Variants in KRT3 observed in about 807,000 individuals in gnomAD.
KRT3 encodes keratin, type II cytoskeletal 3.
KRT3 carries 34 observed loss-of-function variants against 45.8 expected under a neutral mutation model. The ratio of observed to expected loss-of-function variants is 0.74; its 90% CI spans 0.57 to 0.99. The LOEUF is 0.99. Among genes scored for constraint, KRT3 ranks in the 50% least tolerant of loss-of-function variants. The probability of loss-of-function intolerance (pLI) is 0.00; values close to 1 mark genes in which losing one functional copy is unlikely to be tolerated. For missense variants in KRT3, 828 were observed against 820.6 expected (o/e 1.01, Z -0.11); for synonymous variants, 367 against 329.0 (o/e 1.12, Z -1.25).
Position 52,790,172 on chromosome 12 carries a change from C to T in KRT3, c.1757G>A (p.Gly586Asp). 1 of 1,548,434 alleles carries T rather than the reference C, an allele frequency of 6.5e-7. No homozygotes were observed. The highest frequency in any genetic ancestry group is 8.7e-7 in the Non-Finnish European group (1 of 1,146,838). ...FGGGSSGFSG[G>D]SGFGSISGAR... ...GCCAGAGATGGAGCCAAAGCCGCTG[C>T]CACCGCTGAAACCGCTGCTGCCGCC... The change falls in exon 9 of 9, where the codon GGC becomes GAC. Residue 586 changes from glycine (G) to aspartate (D), a missense_variant. Physicochemically the swap from Gly to Asp is moderately conservative, Grantham distance 94. Coordinates refer to ENST00000417996, the MANE Select transcript of KRT3 (RefSeq NM_057088.3).
Position 52,795,629 on chromosome 12 carries a change from A to G in KRT3, c.414T>C (p.Gly138=), listed in dbSNP as rs1939621531. The G allele has an allele frequency of 6.3e-7, 1 of 1,586,064 alleles. No homozygotes were observed. The highest frequency in any genetic ancestry group is 8.6e-7 in the Non-Finnish European group (1 of 1,167,486). ...CAGACCCACCAAAGCCACCAGGACC[A>G]CCAAAGCCACCAGCCCCTCCAAAGC... ...AGGFGGAGGF[G]GPGGFGGSGG... The change falls in exon 1 of 9, where the codon GGT becomes GGC. Residue 138 remains glycine, a synonymous_variant. Coordinates refer to ENST00000417996, the MANE Select transcript of KRT3 (RefSeq NM_057088.3).
chr12:52,795,860 G>A lies in KRT3; in HGVS notation c.183C>T (p.Gly61=), dbSNP rs368081511. 56 of 1,614,092 alleles carry A rather than the reference G, an allele frequency of 3.5e-5. No homozygotes were observed. The highest frequency in any genetic ancestry group is 1.6e-4 in the Middle Eastern group (1 of 6,062). The change falls in exon 1 of 9, where the codon GGC becomes GGT. Residue 61 remains glycine (G), a synonymous_variant. Transcript: ENST00000417996. ...CGCTGATGGAGATGCTCTTGTTGCC[G>A]CCCAGGTTGTAGAGGCTGCGACTGC... ...GFGSRSLYNL[G]GNKSISISVA...
At chr12:52,791,166 T>C in intron 7 of KRT3, 40 bp downstream of exon 7, 1 of 1,613,582 alleles carries the variant, frequency 6.2e-7, no homozygotes, top group East Asian at 2.2e-5. Flanking sequence ...GGCCTATGAC[T>C]TGAGCCAGGG....
At chr12:52,792,626 G>C (rs927409949) in intron 4 of KRT3, 85 bp downstream of exon 4, 2 of 1,064,626 alleles carry the variant, frequency 1.9e-6, no homozygotes, top group African/African-American at 3.1e-5. Flanking sequence ...ATGTCTTCTG[G>C]GGCCTATATA....
rs142692092 is a variant in KRT3 at position 52,795,647 on chromosome 12, T to A, written c.396A>T (p.Gly132=). ...CAGGACCACCAAAGCCACCAGCCCCTCCAAAGCCACCAGCCCCTCCAAAGC... is the reference window on the plus strand; with the variant it reads ...CAGGACCACCAAAGCCACCAGCCCCACCAAAGCCACCAGCCCCTCCAAAGC... ...AGGFGGAGGF[G]GAGGFGGPGG... is the part of the protein sequence containing the mutation. Residue 132 remains glycine, a synonymous_variant, in exon 1 of 9, where the codon GGA becomes GGT. Transcript: ENST00000417996. 3 of 1,440,582 alleles carry A rather than the reference T, an allele frequency of 2.1e-6. No homozygotes were observed. Among genetic ancestry groups the A allele is most frequent in the Non-Finnish European group, 2.6e-6 (3 of 1,137,270 alleles). The allele number at this position is 1,440,582 out of a possible 1,614,324, so 89.2% of individuals were successfully genotyped here.
At chr12:52,793,045 G>A in intron 3 of KRT3, 118 bp downstream of exon 3, 3 of 790,058 alleles carry the variant, frequency 3.8e-6, no homozygotes, top group Non-Finnish European at 6.3e-6. Flanking sequence ...CCTGACTTCT[G>A]TTTATTGCTC....
At position 52,796,094 on chromosome 12, in the gene KRT3, G is replaced by T; in HGVS notation, c.-52C>A. On this transcript the variant is annotated 5_prime_UTR_variant, in exon 1 of 9. Coordinates refer to ENST00000417996, the MANE Select transcript of KRT3 (RefSeq NM_057088.3). ...TGTAAGTTAAGCAGGGACACTGAGA[G>T]TCAGAGGAAGAGGGATGGGAAATGA... The T allele has an allele frequency of 6.3e-7, 1 of 1,585,920 alleles. No individual in the cohort carries two copies.
chr12:52,794,789 T>A (rs886977754), intron 1 of KRT3, among the ~76,000 whole-genome samples: 9 of 152,218 alleles, frequency 5.9e-5, no homozygotes, highest in African/African-American at 2.2e-4. Context: ...TGACAACACC[T>A]CTCTTGGGCC....
In KRT3 at chr12:52,790,228, TC is replaced by T. The variant is rs1939457125; in HGVS notation, c.1700del (p.Gly567GlufsTer140). The T allele has an allele frequency of 6.5e-7, 1 of 1,526,930 alleles. No individual in the cohort carries two copies. The highest frequency in any genetic ancestry group is 8.8e-7 in the Non-Finnish European group (1 of 1,132,986). The allele number at this position is 1,526,930 out of a possible 1,614,324, so 94.6% of individuals were successfully genotyped here. ...GGGSGSGFGR[G>X]GGGGIGGGFG... ...ATCCACCGCCGATTCCACCGCCGCCTCCCCGGCCAAAGCCACTGCCTGAGCC... is the reference window on the plus strand; with the variant it reads ...ATCCACCGCCGATTCCACCGCCGCCTCCCGGCCAAAGCCACTGCCTGAGCC... On this transcript the variant is annotated frameshift_variant, in exon 9 of 9. Coordinates refer to ENST00000417996, the MANE Select transcript of KRT3 (RefSeq NM_057088.3). LOFTEE classifies it low-confidence loss of function (END_TRUNC).
rs572515648 is a variant in KRT3, at chr12:52,792,906, C to T, written c.928-100G>A. ...CAGAGGGGACTGGTGCAGTGATGGT[C>T]CTTGTCTAAGACCAGTCTCCACTTG... On this transcript the variant is annotated intron_variant, in intron 3 of 8. Transcript: ENST00000417996. 6 of 820,750 alleles carry T rather than the reference C, an allele frequency of 7.3e-6. No individual in the cohort carries two copies. In the East Asian group the frequency reaches 1.2e-4, roughly 17 times the overall value. 50.8% of individuals were successfully genotyped at this position (820,750 alleles called of 1,614,324 possible). A position where few individuals can be genotyped will look rare whatever the true frequency, so the allele number is the denominator to read the frequency against.
At chr12:52,795,329 C>A in intron 1 of KRT3, 69 bp downstream of exon 1, 1 of 1,581,716 alleles carries the variant, frequency 6.3e-7, no homozygotes, top group Non-Finnish European at 8.7e-7. Flanking sequence ...AACATTTAAA[C>A]ACTGTGTCCC....
At chr12:52,790,785 G>A in intron 8 of KRT3, 53 bp downstream of exon 8, 1 of 1,423,714 alleles carries the variant, frequency 7.0e-7, no homozygotes, top group African/African-American at 1.4e-5. Context: ...CCCTGGATTA[G>A]TGCAGATATT....
At position 52,790,067 on chromosome 12, in the gene KRT3, T is replaced by A. The variant is rs1939448307; in HGVS notation, c.1862A>T (p.Gln621Leu). 3.9e-6 allele frequency: 6 copies of A among 1,540,142 alleles called. No individual in the cohort carries two copies. The highest frequency in any genetic ancestry group is 2.4e-5 in the East Asian group (1 of 40,900). Residue 621 changes from glutamine (Q) to leucine (L), a missense_variant, in exon 9 of 9, where the codon CAG (glutamine) becomes CTG (leucine). Coordinates refer to ENST00000417996, the MANE Select transcript of KRT3 (RefSeq NM_057088.3). ...GGSIKFSQSS[Q>L]SSQRYSR ...TTATCTGGAGTAGCGCTGGGAGGAC[T>A]GGGAGGACTGGGAGAACTTGATGCT...
rs1416755280 is a variant in KRT3 at position 52,789,966 on chromosome 12, T to C, written c.*76A>G. On this transcript the variant is annotated 3_prime_UTR_variant, in exon 9 of 9. Transcript: ENST00000417996. ...GTTCTTGGGGAGCATGGGGTGGCGCTGGGGGTGTTGCCAATATGGGGGCGT... is the reference window on the plus strand; with the variant it reads ...GTTCTTGGGGAGCATGGGGTGGCGCCGGGGGTGTTGCCAATATGGGGGCGT... 4 of 1,413,770 alleles carry C rather than the reference T, an allele frequency of 2.8e-6. No homozygotes were observed. The highest frequency in any genetic ancestry group is 3.9e-6 in the Non-Finnish European group (4 of 1,035,714). The allele number at this position is 1,413,770 out of a possible 1,614,324, so 87.6% of individuals were successfully genotyped here. A position where few individuals can be genotyped will look rare whatever the true frequency, so the allele number is the denominator to read the frequency against.
chr12:52,791,874 A>G, intron 5 of KRT3, 58 bp from the exon 6 acceptor site: 2 of 1,565,058 alleles, frequency 1.3e-6, no homozygotes, highest in Non-Finnish European at 1.7e-6. Flanking sequence ...TTGTTTCTAC[A>G]CCTCCAACAT....
At position 52,792,334 on chromosome 12, in the gene KRT3, G is replaced by A; in HGVS notation, c.1093C>T (p.Leu365=). ...VVLSMDNNRS[L]DLDSIIAEVR... Reference sequence around the variant, plus strand: ...TCAGCAATGATGCTGTCCAGGTCCAGGGAGCGATTATTGTCCATGGACAGC... The same window carrying A: ...TCAGCAATGATGCTGTCCAGGTCCAAGGAGCGATTATTGTCCATGGACAGC... The change falls in exon 5 of 9, where the codon CTG becomes TTG. Residue 365 remains leucine, a synonymous_variant. Coordinates refer to ENST00000417996, the MANE Select transcript of KRT3 (RefSeq NM_057088.3). The A allele has an allele frequency of 1.9e-6, 3 of 1,613,950 alleles. No individual in the cohort carries two copies. Among genetic ancestry groups the A allele is most frequent in the Non-Finnish European group, 2.5e-6 (3 of 1,179,824 alleles).
In KRT3 at chr12:52,790,234, G is replaced by A. The variant is rs886203556; in HGVS notation, c.1695C>T (p.Gly565=). 3 of 1,550,186 alleles carry A rather than the reference G, an allele frequency of 1.9e-6. No homozygotes were observed. The highest frequency in any genetic ancestry group is 8.7e-7 in the Non-Finnish European group (1 of 1,146,658). The change falls in exon 9 of 9, where the codon GGC becomes GGT. Residue 565 remains glycine (G), a synonymous_variant. Coordinates refer to ENST00000417996, the MANE Select transcript of KRT3 (RefSeq NM_057088.3). The part of the protein sequence containing the change: ...SAGGGSGSGF[G]RGGGGGIGGG... Reference sequence around the variant, plus strand: ...CGCCGATTCCACCGCCGCCTCCCCGGCCAAAGCCACTGCCTGAGCCGCCGC... The same window carrying A: ...CGCCGATTCCACCGCCGCCTCCCCGACCAAAGCCACTGCCTGAGCCGCCGC...
intron 1 of KRT3, 141 bp downstream of exon 1, chr12:52,795,257 A>T: frequency 9.6e-7 from 1 of 1,038,024 alleles, no homozygotes; most frequent in Non-Finnish European, 1.4e-6. Context: ...TCAACCCTGG[A>T]TATCTTCCCA....
rs933468180 is a variant in KRT3 at position 52,795,982 on chromosome 12, C to T, written c.61G>A (p.Ala21Thr). Residue 21 changes from alanine (A) to threonine (T), a missense_variant, in exon 1 of 9, where the codon GCT becomes ACT. By Grantham distance (58) the Ala-to-Thr change is moderately conservative. Transcript: ENST00000417996. ...ATCCTGCTGCTGCCGGAGACCACAG[C>T]AGAGCGGCCGGAGAAACCCTGGCTC... is the stretch of plus-strand genomic sequence containing the variant. ...GGSQGFSGRS[A>T]VVSGSSRMSC... The T allele has an allele frequency of 6.2e-7, 1 of 1,613,870 alleles. No individual in the cohort carries two copies. Among genetic ancestry groups the T allele is most frequent in the Non-Finnish European group, 8.5e-7 (1 of 1,179,976 alleles).
Sources: gnomAD v4.1 joint callset for allele counts (sites outside exome capture counted in the v4.1 genomes callset) on GRCh38, gnomAD v4.1.1 for gene constraint, MANE v1.5 for transcripts, NCBI Gene and HGNC (gene_info 2026-07-23, HGNC 2026-07-21) for gene names.